PLEK: variants seen among roughly 807,000 people sequenced by gnomAD.
PLEK encodes platelet 47 kDa protein.
In PLEK, 25 loss-of-function variants were observed where a neutral mutation model predicts 43.9. The observed-to-expected ratio is 0.57, with a 90% CI of 0.41 to 0.79. The LOEUF is 0.79. PLEK is among the 30% of genes least tolerant of loss of function. The pLI is 0.00. For missense variants in PLEK, 396 were observed against 413.3 expected, an observed-to-expected ratio of 0.96 and a Z score of 0.36; for synonymous variants, 152 against 144.4, an observed-to-expected ratio of 1.05 and a Z score of -0.38.
At chr2:68,387,517 A>T (rs1176942196) in intron 5 of PLEK, among the ~76,000 whole-genome samples, 1 of 152,152 alleles carries the variant, frequency 6.6e-6, no homozygotes, top group Non-Finnish European at 1.5e-5. Context: ...GTGTCCACAG[A>T]TGTCACTTCC....
At chr2:68,382,684 G>A in intron 4 of PLEK, 51 bp downstream of exon 4, 1 of 1,032,646 alleles carries the variant, frequency 9.7e-7, no homozygotes, top group Non-Finnish European at 1.5e-6. Flanking sequence ...GCGATATGGA[G>A]TCCTCCTTCG....
chr2:68,391,496 A>G (rs1231606272), intron 6 of PLEK, among the ~76,000 whole-genome samples: 2 of 152,246 alleles, frequency 1.3e-5, no homozygotes, highest in African/African-American at 4.8e-5. Flanking sequence ...TGGACATGAT[A>G]TAGCAGGTAG....
chr2:68,385,610 G>A (rs1673723717), intron 4 of PLEK, among the ~76,000 whole-genome samples: 1 of 145,628 alleles, frequency 6.9e-6, no homozygotes, highest in Non-Finnish European at 1.5e-5. Context: ...CTCCTCCCCT[G>A]CCCCATGGGG....
rs111823194 is a variant in PLEK at position 68,386,703 on chromosome 2, A to G, written c.657+17A>G. The G allele has an allele frequency of 3.8e-6, 6 of 1,599,330 alleles. No homozygotes were observed. Among genetic ancestry groups the G allele is most frequent in the Non-Finnish European group, 5.1e-6 (6 of 1,167,530 alleles). On this transcript the variant is annotated intron_variant, in intron 5 of 8. Transcript: ENST00000234313. ...TACTACTTTGTAAGAAAAGCTCCCC[A>G]TCTCTTCTTCCTGTAAGGGAGGCTG...
intron 1 of PLEK, among the ~76,000 whole-genome samples, chr2:68,374,651 T>A (rs1673469453): frequency 6.6e-6 from 1 of 152,218 alleles, no homozygotes; most frequent in South Asian, 2.1e-4. Flanking sequence ...GCTATAAAGT[T>A]CCATTGTTCC....
intron 1 of PLEK, among the ~76,000 whole-genome samples, chr2:68,377,058 A>G (rs910378892): frequency 6.6e-6 from 1 of 152,166 alleles, no homozygotes; most frequent in African/African-American, 2.4e-5. Context: ...TTCACTCAAC[A>G]TAATGATCTT....
chr2:68,379,086 A>G (rs1673560525), intron 1 of PLEK, among the ~76,000 whole-genome samples: 1 of 152,218 alleles, frequency 6.6e-6, no homozygotes, highest in Non-Finnish European at 1.5e-5. Context: ...GTGAGCTGAG[A>G]TCATGCAATT....
Position 68,393,220 on chromosome 2 carries a change from A to G in PLEK, c.821A>G (p.Tyr274Cys). ...RKFILREDPA[Y>C]LHYYDPAGAE... is the part of the protein sequence containing the mutation. ...TTCATCTTGAGAGAAGACCCTGCCT[A>G]CCTGCACTACTATGACCCTGCTGGG... The change falls in exon 7 of 9, where the codon TAC (tyrosine) becomes TGC (cysteine). Residue 274 changes from tyrosine (Y) to cysteine (C), a missense_variant. Transcript: ENST00000234313. 1 of 1,611,288 alleles carries G rather than the reference A, an allele frequency of 6.2e-7. No homozygotes were observed. Among genetic ancestry groups the G allele is most frequent in the Non-Finnish European group, 8.5e-7 (1 of 1,177,396 alleles).
At chr2:68,386,477 C>A in intron 4 of PLEK, 25 bp from the exon 5 acceptor site, 3 of 1,598,606 alleles carry the variant, frequency 1.9e-6, no homozygotes, top group East Asian at 2.2e-5. Context: ...GGAGAGTTAA[C>A]CTTCCCTGTG....
chr2:68,380,760 A>C lies in PLEK; in HGVS notation c.236A>C (p.His79Pro). Residue 79 changes from histidine (H) to proline (P), a missense_variant, in exon 3 of 9, where the codon CAC becomes CCC. Transcript: ENST00000234313. ...FKITTTKQQDHFFQAAFLEER... is the reference protein window; with the variant it reads ...FKITTTKQQDPFFQAAFLEER... ...ATCACTACGACCAAACAGCAGGACC[A>C]CTTCTTCCAGGCAGCCTTCCTGGAG... The C allele has an allele frequency of 6.2e-7, 1 of 1,613,988 alleles. No homozygotes were observed. The highest frequency in any genetic ancestry group is 8.5e-7 in the Non-Finnish European group (1 of 1,179,904).
At chr2:68,394,534 CA>C (rs35287888) in intron 8 of PLEK, among the ~76,000 whole-genome samples, 8 of 147,646 alleles carry the variant, frequency 5.4e-5, no homozygotes, top group East Asian at 2.0e-4. Context: ...TACTCTGTCT[CA>C]AAAAAAAAAG....
In PLEK at chr2:68,396,968, A is replaced by G. The variant is rs1053646235; in HGVS notation, c.*1152A>G. Reference sequence around the variant, plus strand: ...CGTTCGTGCCTCAGCTTTAAGCACAAGTAGCAGCAGCTCCTGCTTGAGTTC... The same window carrying G: ...CGTTCGTGCCTCAGCTTTAAGCACAGGTAGCAGCAGCTCCTGCTTGAGTTC... On this transcript the variant is annotated 3_prime_UTR_variant, in exon 9 of 9. Transcript: ENST00000234313. 6.6e-6 allele frequency: 1 copy of G among 152,204 alleles called. No individual in the cohort carries two copies. Among genetic ancestry groups the G allele is most frequent in the African/African-American group, 2.4e-5 (1 of 41,454 alleles). The allele number at this position is 152,204 out of a possible 1,614,324, so 9.4% of individuals were successfully genotyped here. A position where few individuals can be genotyped will look rare whatever the true frequency, so the allele number is the denominator to read the frequency against.
intron 1 of PLEK, among the ~76,000 whole-genome samples, chr2:68,373,095 G>A (rs1387322467): frequency 6.6e-6 from 1 of 152,122 alleles, no homozygotes; most frequent in Non-Finnish European, 1.5e-5. Flanking sequence ...TCTTGGGTGA[G>A]CATCAAGTGG....
rs559707371 is a variant in PLEK, at chr2:68,373,058, A to G, written c.43-7270A>G. Among the ~76,000 whole-genome samples, 16 of 152,266 alleles carry G rather than the reference A, an allele frequency of 1.1e-4. 1 individual carries two copies. The highest frequency in any genetic ancestry group is 3.6e-4 in the African/African-American group (15 of 41,554). ...TCCTAAATTTCTCTGTCATTTGGAC[A>G]TTCCATAATCACACTTCCAGGTTTG... On this transcript the variant is annotated intron_variant, in intron 1 of 8. Transcript: ENST00000234313.
chr2:68,366,228 G>A (rs1425174940), intron 1 of PLEK, among the ~76,000 whole-genome samples: 1 of 152,198 alleles, frequency 6.6e-6, no homozygotes, highest in Non-Finnish European at 1.5e-5. Flanking sequence ...TGAACGTAGT[G>A]CCTTCCTTCA....
intron 1 of PLEK, among the ~76,000 whole-genome samples, chr2:68,372,239 T>A (rs1256430701): frequency 6.6e-6 from 1 of 151,966 alleles, no homozygotes; most frequent in Non-Finnish European, 1.5e-5. Flanking sequence ...AGTGGTGTGA[T>A]CTAGGCTCAC....
At chr2:68,379,605 T>C (rs2103769376) in intron 1 of PLEK, among the ~76,000 whole-genome samples, 1 of 151,980 alleles carries the variant, frequency 6.6e-6, no homozygotes, top group South Asian at 2.1e-4. Flanking sequence ...GGGGTGAGAA[T>C]GTTTCTGTGA....
intron 8 of PLEK, 54 bp from the exon 9 acceptor site, chr2:68,395,626 C>T: frequency 6.2e-7 from 1 of 1,601,708 alleles, no homozygotes; most frequent in Non-Finnish European, 8.6e-7. Context: ...GAGGGTGGAG[C>T]AAGTGGTCTT....
At position 68,380,604 on chromosome 2, in the gene PLEK, C is replaced by T. The variant is rs533150198; in HGVS notation, c.199-119C>T. ...GTCCCTCTCACCACCACCCACACCC[C>T]ACCCTGGCATTTGGGTTTCTCTTGG... On this transcript the variant is annotated intron_variant, in intron 2 of 8. Transcript: ENST00000234313. 5.7e-5 allele frequency: 79 copies of T among 1,390,786 alleles called. 2 individuals carry two copies. The South Asian group carries it at 8.8e-4, about 15-fold the overall frequency. The allele number at this position is 1,390,786 out of a possible 1,614,324, so 86.2% of individuals were successfully genotyped here.
Sources: allele counts gnomAD v4.1 joint callset (sites outside exome capture counted in the v4.1 genomes callset), GRCh38; gene constraint gnomAD v4.1.1; transcripts MANE v1.5; gene names NCBI Gene and HGNC (gene_info 2026-07-23, HGNC 2026-07-21).